BATF2: variants seen among roughly 807,000 people sequenced by gnomAD.
BATF2 encodes basic leucine zipper ATF-like transcription factor 2.
A neutral mutation model predicts 7.3 loss-of-function variants in BATF2; 4 were observed. That is an observed-to-expected ratio of 0.55 (90% confidence interval 0.27 to 1.26). BATF2 has a LOEUF of 1.26. BATF2 is among the 50% of genes most tolerant of loss of function. The pLI, the probability that BATF2 is intolerant of heterozygous loss-of-function variation, is 0.11. For synonymous variants in BATF2, 152 were observed against 153.9 expected (o/e 0.99, Z 0.09); for missense variants, 295 against 340.5 (o/e 0.87, Z 1.05).
intron 2 of BATF2, among the ~76,000 whole-genome samples, chr11:64,994,075 G>T (rs1946094448): frequency 6.6e-6 from 1 of 152,192 alleles, no homozygotes; most frequent in Non-Finnish European, 1.5e-5. Flanking sequence ...TAGGATTACA[G>T]GTGTGAGCCA....
intron 2 of BATF2, chr11:64,990,018 C>A (rs528027123): frequency 4.0e-4 from 610 of 1,536,720 alleles, no homozygotes; most frequent in Non-Finnish European, 5.3e-4. Flanking sequence ...GAAGGGGGCT[C>A]AGATCCGCCT....
intron 1 of BATF2, among the ~76,000 whole-genome samples, chr11:64,995,365 G>T (rs2136881476): frequency 6.6e-6 from 1 of 152,314 alleles, no homozygotes; most frequent in East Asian, 1.9e-4. Flanking sequence ...CTGTGCTCAT[G>T]CCCAGCTCAA....
chr11:64,989,171 G>A lies in BATF2; in HGVS notation c.783C>T (p.Leu261=). 1 of 1,614,204 alleles carries A rather than the reference G, an allele frequency of 6.2e-7. No individual in the cohort carries two copies. Among genetic ancestry groups the A allele is most frequent in the Non-Finnish European group, 8.5e-7 (1 of 1,180,046 alleles). The change falls in exon 3 of 3, where the codon CTC becomes CTT. Residue 261 remains leucine, a synonymous_variant. Transcript: ENST00000301887. This position sits in a 1 kb window ranked among gnomAD's most constrained non-coding sequence, Gnocchi z 4.3. ...GLVVDPSPHP[L]LAFPLLSSAQ... ...CAGAGGAGAGCAGAGGAAAGGCCAGGAGAGGGTGAGGGCTGGGATCCACAA... is the reference window on the plus strand; with the variant it reads ...CAGAGGAGAGCAGAGGAAAGGCCAGAAGAGGGTGAGGGCTGGGATCCACAA...
rs1336934621 is a variant in BATF2, at chr11:64,990,686, G to A, written c.142-874C>T. The A allele has an allele frequency of 3.3e-6, 3 of 904,320 alleles. No homozygotes were observed. The East Asian group carries it at 3.6e-4, about 107-fold the overall frequency. The allele number at this position is 904,320 out of a possible 1,614,324, so 56.0% of individuals were successfully genotyped here. The stretch of plus-strand genomic sequence containing the variant: ...TTTTATATCCACATCTCACAGGGCT[G>A]AATAAATTGAACGACTTCCTTCAGT... On this transcript the variant is annotated intron_variant, in intron 2 of 2. Coordinates refer to ENST00000301887, the MANE Select transcript of BATF2 (RefSeq NM_138456.4).
Position 64,989,245 on chromosome 11 carries a change from T to C in BATF2, c.709A>G (p.Ser237Gly). ...SSALGLARLQ[S>G]REHKPALSAA... ...GAGAGAGCAGGTTTGTGCTCCCTGC[T>C]CTGCAGACGTGCAAGCCCCAGGGCA... The change falls in exon 3 of 3, where the codon AGC (serine) becomes GGC (glycine). Residue 237 changes from serine to glycine, a missense_variant. Ser to Gly is a moderately conservative substitution (Grantham distance 56, BLOSUM62 0). Transcript: ENST00000301887. The surrounding 1 kb of genome is among the most constrained non-coding windows in gnomAD (Gnocchi z 4.3). 1.2e-6 allele frequency: 2 copies of C among 1,613,148 alleles called. No homozygotes were observed. The highest frequency in any genetic ancestry group is 1.7e-6 in the Non-Finnish European group (2 of 1,179,486).
intron 2 of BATF2, chr11:64,990,184 G>A: frequency 7.8e-6 from 12 of 1,535,668 alleles, no homozygotes; most frequent in Non-Finnish European, 1.0e-5. Context: ...GCCCTTTAGA[G>A]GCACCCACCA....
chr11:64,994,557 G>T lies in BATF2; in HGVS notation c.40-8C>A. ...TTGTTGCTCCTTGGGGTCCTGTGGG[G>T]CATGAGGCAGAGGACTCAGGGGGCC... is the stretch of plus-strand genomic sequence containing the variant. On this transcript the variant is annotated splice_region_variant and splice_polypyrimidine_tract_variant and intron_variant, in intron 1 of 2. Transcript: ENST00000301887. 6.3e-7 allele frequency: 1 copy of T among 1,589,608 alleles called. No individual in the cohort carries two copies. Among genetic ancestry groups the T allele is most frequent in the Non-Finnish European group, 8.6e-7 (1 of 1,168,056 alleles).
intron 2 of BATF2, chr11:64,990,131 C>A: frequency 6.5e-7 from 1 of 1,535,728 alleles, no homozygotes; most frequent in Non-Finnish European, 8.7e-7. Flanking sequence ...TTCTCTTGCC[C>A]ACAGGAGCCA....
chr11:64,994,515 T>G lies in BATF2; in HGVS notation c.74A>C (p.Gln25Pro). ...TCGCTGGGCGGCTGCCCGGTTCTTC[T>G]GCTTCTTCAGCTGCCTTTGTTGCTC... Reference protein sequence around the residue: ...PKEQQRQLKKQKNRAAAQRSR... With the variant: ...PKEQQRQLKKPKNRAAAQRSR... The change falls in exon 2 of 3, where the codon CAG (glutamine) becomes CCG (proline). Residue 25 changes from glutamine (Q) to proline (P), a missense_variant. Gln to Pro is a moderately conservative substitution (Grantham distance 76). Transcript: ENST00000301887. 1.9e-6 allele frequency: 3 copies of G among 1,604,554 alleles called. No homozygotes were observed. Among genetic ancestry groups the G allele is most frequent in the Non-Finnish European group, 2.6e-6 (3 of 1,175,646 alleles).
chr11:64,992,472 T>G (rs1292041617), intron 2 of BATF2, among the ~76,000 whole-genome samples: 1 of 152,180 alleles, frequency 6.6e-6, no homozygotes, highest in Non-Finnish European at 1.5e-5. Context: ...TGTGATTGCA[T>G]TTAGAGATAA....
intron 2 of BATF2, among the ~76,000 whole-genome samples, chr11:64,992,589 G>C (rs552925252): frequency 6.6e-6 from 1 of 151,988 alleles, no homozygotes; most frequent in Non-Finnish European, 1.5e-5. Flanking sequence ...GGCTGGGAGC[G>C]GTGGCTCAAG....
chr11:64,991,259 C>T (rs1348065965), intron 2 of BATF2, among the ~76,000 whole-genome samples: 2 of 149,440 alleles, frequency 1.3e-5, no homozygotes, highest in South Asian at 2.1e-4. Context: ...CAGGTTCAAA[C>T]GATTCTCCTG....
chr11:64,990,683 G>C (rs1269487401), intron 2 of BATF2: 57 of 920,406 alleles, frequency 6.2e-5, no homozygotes, highest in Non-Finnish European at 7.4e-5. Context: ...ATCTCACAGG[G>C]CTGAATAAAT....
In BATF2 at chr11:64,989,924, T is replaced by C; in HGVS notation, c.142-112A>G. On this transcript the variant is annotated intron_variant, in intron 2 of 2. Coordinates refer to ENST00000301887, the MANE Select transcript of BATF2 (RefSeq NM_138456.4). This position sits in a 1 kb window ranked among gnomAD's most constrained non-coding sequence, Gnocchi z 4.3. Reference sequence around the variant, plus strand: ...CTTCAGGAGAAAGATGCCACCACCATTGGAATAGCCAAGTGGGGTCTCTTG... The same window carrying C: ...CTTCAGGAGAAAGATGCCACCACCACTGGAATAGCCAAGTGGGGTCTCTTG... 2 of 1,446,542 alleles carry C rather than the reference T, an allele frequency of 1.4e-6. No homozygotes were observed. The highest frequency in any genetic ancestry group is 1.9e-6 in the Non-Finnish European group (2 of 1,055,312). 89.6% of individuals were successfully genotyped at this position (1,446,542 alleles called of 1,614,324 possible). A position where few individuals can be genotyped will look rare whatever the true frequency, so the allele number is the denominator to read the frequency against.
intron 2 of BATF2, chr11:64,990,020 G>T (rs1946062786): frequency 1.3e-6 from 2 of 1,536,778 alleles, no homozygotes; most frequent in Middle Eastern, 1.7e-4. Flanking sequence ...AGGGGGCTCA[G>T]ATCCGCCTGC....
At chr11:64,994,404 A>G in intron 2 of BATF2, 44 bp downstream of exon 2, 1 of 1,533,846 alleles carries the variant, frequency 6.5e-7, no homozygotes, top group Non-Finnish European at 8.8e-7. Context: ...CTGGGCCAGT[A>G]AGTGGAGCCA....
In BATF2 at chr11:64,988,888, T is replaced by C. The variant is rs1946045622; in HGVS notation, c.*241A>G. The C allele has an allele frequency of 3.7e-6, 2 of 534,272 alleles. No individual in the cohort carries two copies. Among genetic ancestry groups the C allele is most frequent in the Non-Finnish European group, 6.7e-6 (2 of 297,366 alleles). The allele number at this position is 534,272 out of a possible 1,614,324, so 33.1% of individuals were successfully genotyped here. ...TTCCCTGAGCCTCAGTTTCCTTGTC[T>C]GAAAAAGTGGAGTGATAATCTCGAT... On this transcript the variant is annotated 3_prime_UTR_variant, in exon 3 of 3. Coordinates refer to ENST00000301887, the MANE Select transcript of BATF2 (RefSeq NM_138456.4).
In BATF2 at chr11:64,988,872, C is replaced by T; in HGVS notation, c.*257G>A. On this transcript the variant is annotated 3_prime_UTR_variant, in exon 3 of 3. Transcript: ENST00000301887. ...GGACTTGTCACTTGGCTTCCCTGAG[C>T]CTCAGTTTCCTTGTCTGAAAAAGTG... is the stretch of plus-strand genomic sequence containing the variant. 1 of 505,090 alleles carries T rather than the reference C, an allele frequency of 2.0e-6. No homozygotes were observed. The highest frequency in any genetic ancestry group is 3.6e-6 in the Non-Finnish European group (1 of 279,932). The allele number at this position is 505,090 out of a possible 1,614,324, so 31.3% of individuals were successfully genotyped here.
At chr11:64,991,951 C>T (rs1321602831) in intron 2 of BATF2, among the ~76,000 whole-genome samples, 1 of 152,196 alleles carries the variant, frequency 6.6e-6, no homozygotes, top group East Asian at 1.9e-4. Context: ...TGTCATTTGT[C>T]CGCAATGCGT....
Sources: gnomAD v4.1 joint callset for allele counts (sites outside exome capture counted in the v4.1 genomes callset) on GRCh38, gnomAD v4.1.1 for gene constraint, Gnocchi (gnomAD v3.1) non-coding constraint, MANE v1.5 for transcripts, NCBI Gene and HGNC (gene_info 2026-07-23, HGNC 2026-07-21) for gene names.